Variants in APP observed in about 807,000 individuals in gnomAD.
APP encodes the protein amyloid beta precursor protein, also known as amyloid-beta precursor protein.
Under a neutral mutation model 101.4 loss-of-function variants are expected in APP, and 31 were observed. The observed-to-expected ratio is 0.31, with a 90% CI of 0.23 to 0.41. The LOEUF is 0.41. Ranked by LOEUF, APP falls within the 10% of genes least tolerant of loss-of-function variation. The pLI is 1.00. For synonymous variants in APP, 366 were observed against 364.4 expected (o/e 1.00, Z -0.05); for missense variants, 839 against 1,003.7 (o/e 0.84, Z 2.22).
At chr21:26,170,790 G>T (rs538664273), upstream of APP, 12 of 670,782 alleles carry the variant, frequency 1.8e-5, no homozygotes, top group Middle Eastern at 8.5e-4. Context: ...GCGCGGCGGC[G>T]GGGCTCAGAG....
chr21:25,891,955 C>T, intron 16 of APP, 87 bp from the exon 17 acceptor site: 2 of 1,355,188 alleles, frequency 1.5e-6, no homozygotes, highest in Non-Finnish European at 2.0e-6. Flanking sequence ...AATTTCATTT[C>T]TTAAATGCAG....
intron 13 of APP, among the ~76,000 whole-genome samples, chr21:25,938,698 T>G (rs1473206387): frequency 6.6e-6 from 1 of 152,180 alleles, no homozygotes; most frequent in Non-Finnish European, 1.5e-5. Context: ...GATTTCAGGA[T>G]GACAATCAGC....
At chr21:26,170,410 G>T (rs965308146) in intron 1 of APP, among the ~76,000 whole-genome samples, 154 bp downstream of exon 1, 1 of 152,182 alleles carries the variant, frequency 6.6e-6, no homozygotes, top group Non-Finnish European at 1.5e-5. Flanking sequence ...CGAAAGCGGG[G>T]ATGCGCTGGA....
At chr21:26,046,302 C>A (rs1255079058) in intron 5 of APP, among the ~76,000 whole-genome samples, 1 of 151,498 alleles carries the variant, frequency 6.6e-6, no homozygotes, top group Non-Finnish European at 1.5e-5. Flanking sequence ...CCCAATTACT[C>A]GGGAAGCTGA....
intron 1 of APP, among the ~76,000 whole-genome samples, chr21:26,152,295 A>AAAAAAAACAAAC (rs1452726140): frequency 2.0e-5 from 3 of 149,462 alleles, no homozygotes; most frequent in Admixed American, 6.7e-5. Flanking sequence ...AAAAAAAAAA[A>AAAAAAAACAAAC]AAAAAAAAAA....
chr21:26,142,805 A>C (rs1438277064), intron 1 of APP, among the ~76,000 whole-genome samples: 1 of 152,286 alleles, frequency 6.6e-6, no homozygotes, highest in South Asian at 2.1e-4. Context: ...AAAAACAAAA[A>C]TAGTGTCACT....
At chr21:25,989,105 C>G (rs59074064) in intron 8 of APP, among the ~76,000 whole-genome samples, 2 of 152,092 alleles carry the variant, frequency 1.3e-5, no homozygotes, top group Non-Finnish European at 2.9e-5. Flanking sequence ...AAGACACCAA[C>G]GAAACATTTT....
chr21:26,017,347 G>A (rs921287850), intron 6 of APP, among the ~76,000 whole-genome samples: 13 of 149,562 alleles, frequency 8.7e-5, no homozygotes, highest in African/African-American at 3.2e-4. Flanking sequence ...GGCTACTTGG[G>A]AGGCTGAGGT....
intron 1 of APP, among the ~76,000 whole-genome samples, chr21:26,134,868 T>A (rs541408139): frequency 6.6e-6 from 1 of 152,174 alleles, no homozygotes; most frequent in Non-Finnish European, 1.5e-5. Flanking sequence ...GAAGACCAAA[T>A]AGATGCCACA....
At chr21:26,062,347 A>G (rs1450606779) in intron 3 of APP, among the ~76,000 whole-genome samples, 2 of 151,244 alleles carry the variant, frequency 1.3e-5, no homozygotes, top group African/African-American at 4.9e-5. Context: ...AGAGAAAAGA[A>G]AAAAAAAACC....
At position 26,089,973 on chromosome 21, in the gene APP, G is replaced by A; in HGVS notation, c.325C>T (p.Pro109Ser). The A allele has an allele frequency of 6.2e-7, 1 of 1,614,192 alleles. No homozygotes were observed. The highest frequency in any genetic ancestry group is 8.5e-7 in the Non-Finnish European group (1 of 1,180,026). ...KRGRKQCKTH[P>S]HFVIPYRCLV... ...CAGCGGTAGGGAATCACAAAGTGGG[G>A]ATGGGTCTTGCACTGCTTGCGGCCC... The change falls in exon 3 of 18, where the codon CCC (proline) becomes TCC (serine). Residue 109 changes from proline to serine, a missense_variant. Transcript: ENST00000346798.
chr21:26,110,264 G>A (rs1450897688), intron 2 of APP, among the ~76,000 whole-genome samples: 1 of 152,116 alleles, frequency 6.6e-6, no homozygotes, highest in Non-Finnish European at 1.5e-5. Context: ...CCAATATGGT[G>A]AAACCCTGTC....
rs73182461 is a variant in APP at position 25,929,618 on chromosome 21, G to A, written c.1688-17656C>T. Among the ~76,000 whole-genome samples the A allele has an allele frequency of 2.7e-3, 412 of 152,170 alleles. 1 individual carries two copies. The highest frequency in any genetic ancestry group is 0.023 in the South Asian group (109 of 4,822). On this transcript the variant is annotated intron_variant, in intron 13 of 17. Coordinates refer to ENST00000346798, the MANE Select transcript of APP (RefSeq NM_000484.4). ...ACAGTTTGTTTCTCCTTCTAAGTAA[G>A]TTCCTAGATATAGAATGAATTGGAA...
At chr21:26,022,843 A>AAGATGAAGCTG (rs1293283249) in intron 5 of APP, among the ~76,000 whole-genome samples, 1 of 150,266 alleles carries the variant, frequency 6.7e-6, no homozygotes, top group African/African-American at 2.5e-5. Flanking sequence ...ACACAGGTGG[A>AAGATGAAGCTG]AGATGAAGCT....
chr21:26,164,548 C>T (rs1455725773), intron 1 of APP, among the ~76,000 whole-genome samples: 1 of 152,182 alleles, frequency 6.6e-6, no homozygotes, highest in Non-Finnish European at 1.5e-5. Context: ...AGTGTATAAA[C>T]TTGCTCAATA....
At chr21:26,169,213 T>C (rs543458372) in intron 1 of APP, 1 of 152,310 alleles carries the variant, frequency 6.6e-6, no homozygotes, top group Admixed American at 6.5e-5. Flanking sequence ...AGACTTGTTA[T>C]ACACCTAGTG....
At chr21:26,087,173 C>G (rs2061722136) in intron 3 of APP, among the ~76,000 whole-genome samples, 1 of 152,152 alleles carries the variant, frequency 6.6e-6, no homozygotes, top group Non-Finnish European at 1.5e-5. Context: ...GGGCTTGAGA[C>G]CTTTGGAAAA....
At chr21:26,170,512 ATCGCGT>A (rs893970427) in intron 1 of APP, 46 bp downstream of exon 1, 146 of 1,524,584 alleles carry the variant, frequency 9.6e-5, no homozygotes, top group Middle Eastern at 1.7e-4. Flanking sequence ...CTTGGGGGGT[ATCGCGT>A]CCCCACCGTG....
chr21:26,080,855 C>G (rs1195644585), intron 3 of APP, among the ~76,000 whole-genome samples: 1 of 151,736 alleles, frequency 6.6e-6, no homozygotes, highest in Non-Finnish European at 1.5e-5. Flanking sequence ...AGACCATAAT[C>G]TAGGTGCAGT....
Sources: gnomAD v4.1 joint callset for allele counts (sites outside exome capture counted in the v4.1 genomes callset) on GRCh38, gnomAD v4.1.1 for gene constraint, MANE v1.5 for transcripts, NCBI Gene and HGNC (gene_info 2026-07-23, HGNC 2026-07-21) for gene names.